The following CDH13 variants were observed in gnomAD, a reference collection of about 807,000 sequenced individuals.
CDH13 encodes the protein cadherin-13.
Under a neutral mutation model 63.8 loss-of-function variants are expected in CDH13, and 24 were observed. That is an observed-to-expected ratio of 0.38 (90% confidence interval 0.27 to 0.53). CDH13 has a LOEUF of 0.53. CDH13 is among the 20% of genes least tolerant of loss of function. The pLI, the probability that CDH13 is intolerant of heterozygous loss-of-function variation, is 0.85. For missense variants in CDH13, 1,049 were observed against 903.1 expected (o/e 1.16, Z -2.07); for synonymous variants, 503 against 355.3 (o/e 1.42, Z -4.67).
intron 8 of CDH13, among the ~76,000 whole-genome samples, chr16:83,663,954 G>C (rs1355034673): frequency 2.0e-5 from 3 of 150,384 alleles, no homozygotes; most frequent in Non-Finnish European, 4.4e-5. Context: ...GAGCCTAAGA[G>C]TTTGAGACCA....
intron 1 of CDH13, among the ~76,000 whole-genome samples, chr16:82,667,258 G>T (rs559939999): frequency 2.6e-5 from 4 of 152,136 alleles, no homozygotes; most frequent in Non-Finnish European, 5.9e-5. Flanking sequence ...CATTTCTATC[G>T]TATTAGGGAG....
intron 6 of CDH13, among the ~76,000 whole-genome samples, chr16:83,471,010 C>G (rs989358689): frequency 6.6e-6 from 1 of 152,120 alleles, no homozygotes; most frequent in African/African-American, 2.4e-5. Flanking sequence ...CTTCCTTGGT[C>G]TTCAAAGCCA....
At chr16:83,644,291 T>C (rs1567475673) in intron 8 of CDH13, among the ~76,000 whole-genome samples, 1 of 152,350 alleles carries the variant, frequency 6.6e-6, no homozygotes, top group East Asian at 1.9e-4. Flanking sequence ...CCAAACAATA[T>C]GCTACTTCAT....
intron 5 of CDH13, among the ~76,000 whole-genome samples, chr16:83,239,100 A>G (rs1904292604): frequency 6.6e-6 from 1 of 152,062 alleles, no homozygotes; most frequent in Non-Finnish European, 1.5e-5. Flanking sequence ...TCTACTTCCT[A>G]CTCTAAATAT....
At chr16:83,060,171 A>G (rs2031397528) in intron 3 of CDH13, among the ~76,000 whole-genome samples, 1 of 152,144 alleles carries the variant, frequency 6.6e-6, no homozygotes, top group Non-Finnish European at 1.5e-5. Flanking sequence ...TTTCTGTTTT[A>G]TCAGTGCCCC....
At chr16:82,652,689 C>G (rs16958008) in intron 1 of CDH13, among the ~76,000 whole-genome samples, 13,836 of 150,766 alleles carry the variant, frequency 0.092, 887 homozygotes, top group African/African-American at 0.16. Flanking sequence ...CTTAACTGGC[C>G]TGCATTACCT....
chr16:83,335,059 A>G (rs1440363314), intron 5 of CDH13, among the ~76,000 whole-genome samples: 1 of 152,240 alleles, frequency 6.6e-6, no homozygotes, highest in Non-Finnish European at 1.5e-5. Flanking sequence ...ATGGTGGAAA[A>G]TATCACTTAA....
intron 3 of CDH13, among the ~76,000 whole-genome samples, chr16:83,120,759 C>CTTTTT (rs1476338366): frequency 4.4e-5 from 2 of 45,952 alleles, no homozygotes; most frequent in African/African-American, 2.3e-4. Context: ...CTCTAATTTT[C>CTTTTT]TTTCTTTTTT....
chr16:82,864,472 AAGGCACCTTCTTCAGAAGGTGGCAGG>A (rs1203945610), intron 2 of CDH13, among the ~76,000 whole-genome samples: 6 of 152,142 alleles, frequency 3.9e-5, no homozygotes, highest in Admixed American at 2.6e-4. Flanking sequence ...AAGAGGAAGC[AAGGCACCTTCTTCAGAAGGTGGCAGG>A]AAGGAGAAGT....
intron 7 of CDH13, among the ~76,000 whole-genome samples, chr16:83,525,332 T>G (rs1293938808): frequency 6.6e-6 from 1 of 152,260 alleles, no homozygotes; most frequent in East Asian, 1.9e-4. Flanking sequence ...TTTAACCTTC[T>G]GGACAACAAC....
At chr16:82,906,432 C>G (rs1263886368) in intron 2 of CDH13, among the ~76,000 whole-genome samples, 2 of 152,270 alleles carry the variant, frequency 1.3e-5, no homozygotes, top group African/African-American at 4.8e-5. Context: ...ATCATGAACC[C>G]ACTTGTACTG....
At chr16:83,064,100 G>A (rs1241884736) in intron 3 of CDH13, among the ~76,000 whole-genome samples, 2 of 152,166 alleles carry the variant, frequency 1.3e-5, no homozygotes, top group Non-Finnish European at 2.9e-5. Flanking sequence ...GCCAGGTGCG[G>A]TGGCTCATGC....
chr16:82,783,093 G>A (rs769737320), intron 1 of CDH13, among the ~76,000 whole-genome samples: 1 of 152,200 alleles, frequency 6.6e-6, no homozygotes, highest in Admixed American at 6.5e-5. Context: ...GTGGCTCAAT[G>A]TGAGCAAACG....
intron 3 of CDH13, among the ~76,000 whole-genome samples, chr16:83,105,508 C>T (rs190867288): frequency 1.3e-4 from 20 of 152,290 alleles, no homozygotes; most frequent in South Asian, 4.1e-4. Flanking sequence ...TGAGTAAATG[C>T]CTCAGGTGTT....
At chr16:83,154,330 G>A (rs1378022990) in intron 4 of CDH13, among the ~76,000 whole-genome samples, 2 of 152,046 alleles carry the variant, frequency 1.3e-5, no homozygotes, top group Non-Finnish European at 2.9e-5. Flanking sequence ...GCTGAGGCTG[G>A]GGGTTCACAA....
intron 4 of CDH13, among the ~76,000 whole-genome samples, chr16:83,155,151 C>A (rs548040001): frequency 8.9e-4 from 136 of 152,112 alleles, no homozygotes; most frequent in Non-Finnish European, 1.9e-3. Flanking sequence ...TGAAAGCAAC[C>A]AAATTTGGCA....
At chr16:82,717,144 C>T (rs916392942) in intron 1 of CDH13, among the ~76,000 whole-genome samples, 9 of 152,058 alleles carry the variant, frequency 5.9e-5, no homozygotes, top group Non-Finnish European at 1.2e-4. Flanking sequence ...TTCAACAGGA[C>T]ATGAATTGAG....
chr16:82,865,585 A>G (rs1249684936), intron 2 of CDH13, among the ~76,000 whole-genome samples: 2 of 152,220 alleles, frequency 1.3e-5, no homozygotes, highest in Admixed American at 6.5e-5. Flanking sequence ...CTGAGACGGC[A>G]CAAAGCAGCA....
chr16:83,278,072 T>C (rs1454999743), intron 5 of CDH13, among the ~76,000 whole-genome samples: 3 of 152,218 alleles, frequency 2.0e-5, no homozygotes, highest in Non-Finnish European at 4.4e-5. Flanking sequence ...GTTTTTGCAG[T>C]ATTGCAGCAT....
Sources: gnomAD v4.1 joint callset for allele counts (sites outside exome capture counted in the v4.1 genomes callset) on GRCh38, gnomAD v4.1.1 for gene constraint, MANE v1.5 for transcripts, NCBI Gene and HGNC (gene_info 2026-07-23, HGNC 2026-07-21) for gene names.